SMYD3: variants seen among roughly 807,000 people sequenced by gnomAD.
SMYD3 encodes histone-lysine N-methyltransferase SMYD3.
Under a neutral mutation model 57.7 loss-of-function variants are expected in SMYD3, and 36 were observed. The ratio of observed to expected loss-of-function variants is 0.62; its 90% CI spans 0.48 to 0.82. The LOEUF is 0.82. Ranked by LOEUF, SMYD3 falls within the 40% of genes least tolerant of loss-of-function variation. The pLI is 0.00. For missense variants in SMYD3, 515 were observed against 538.8 expected (o/e 0.96, Z 0.44); for synonymous variants, 211 against 195.0 (o/e 1.08, Z -0.68).
intron 2 of SMYD3, among the ~76,000 whole-genome samples, chr1:246,338,648 T>G (rs1025050733): frequency 2.0e-5 from 3 of 152,166 alleles, no homozygotes; most frequent in Non-Finnish European, 4.4e-5. Context: ...AGACAAGAGT[T>G]TCATGCTGGA....
chr1:246,311,959 G>A (rs2065087833), intron 5 of SMYD3, among the ~76,000 whole-genome samples: 1 of 152,150 alleles, frequency 6.6e-6, no homozygotes, highest in Admixed American at 6.5e-5. Context: ...AAAACGTAAT[G>A]TAAGTGACAA....
chr1:246,142,285 T>A (rs963235169), intron 5 of SMYD3, among the ~76,000 whole-genome samples: 1 of 152,210 alleles, frequency 6.6e-6, no homozygotes, highest in Non-Finnish European at 1.5e-5. Context: ...ACAATTATAA[T>A]AATATACTAT....
Position 246,076,247 on chromosome 1 carries a change from G to A in SMYD3, c.532-146310C>T, listed in dbSNP as rs75212391. 2.0e-5 allele frequency among the ~76,000 whole-genome samples: 3 copies of A among 152,234 alleles called. No individual in the cohort carries two copies. In the East Asian group the frequency reaches 5.8e-4, roughly 29 times the overall value. ...AAATACCAAACCCGTCTCTACTTCAGTTCTCTGTTCCATTCACAATTCTCA... is the reference window on the plus strand; with the variant it reads ...AAATACCAAACCCGTCTCTACTTCAATTCTCTGTTCCATTCACAATTCTCA... On this transcript the variant is annotated intron_variant, in intron 5 of 11. Coordinates refer to ENST00000490107, the MANE Select transcript of SMYD3 (RefSeq NM_001167740.2).
intron 1 of SMYD3, among the ~76,000 whole-genome samples, chr1:246,497,410 G>A (rs1011414124): frequency 1.3e-5 from 2 of 152,192 alleles, no homozygotes; most frequent in Non-Finnish European, 2.9e-5. Flanking sequence ...GTTCATGAAG[G>A]AGACCACTCA....
intron 8 of SMYD3, among the ~76,000 whole-genome samples, chr1:245,889,070 T>C (rs997362098): frequency 6.6e-5 from 10 of 152,292 alleles, no homozygotes; most frequent in Admixed American, 6.5e-4. Context: ...TTAACCTCTT[T>C]CCATATCCCA....
intron 11 of SMYD3, among the ~76,000 whole-genome samples, chr1:245,758,416 C>T (rs2045700455): frequency 6.6e-6 from 1 of 151,982 alleles, no homozygotes; most frequent in African/African-American, 2.4e-5. Context: ...TCCACCTCAC[C>T]CTCTTTTTCT....
intron 5 of SMYD3, among the ~76,000 whole-genome samples, chr1:246,258,493 C>T (rs1170040426): frequency 6.6e-6 from 1 of 152,162 alleles, no homozygotes; most frequent in Admixed American, 6.5e-5. Context: ...TTTGACAGGA[C>T]ATGAAACTCT....
Position 245,824,254 on chromosome 1 carries a change from T to C in SMYD3, c.1076+34242A>G, listed in dbSNP as rs116400722. 2.3e-3 allele frequency among the ~76,000 whole-genome samples: 353 copies of C among 152,360 alleles called. 1 individual carries two copies. The highest frequency in any genetic ancestry group is 3.8e-3 in the Non-Finnish European group (259 of 68,032). On this transcript the variant is annotated intron_variant, in intron 10 of 11. Coordinates refer to ENST00000490107, the MANE Select transcript of SMYD3 (RefSeq NM_001167740.2). The stretch of plus-strand genomic sequence containing the variant: ...GATGACCAAAATATAGGTTGCCATT[T>C]AGGCAAATGACACGAAGGAAGAGAT...
intron 1 of SMYD3, among the ~76,000 whole-genome samples, chr1:246,455,313 T>A (rs947404128): frequency 1.7e-4 from 26 of 152,304 alleles, no homozygotes; most frequent in Admixed American, 5.9e-4. Context: ...TTATAAGAAC[T>A]GAATGGAATA....
At chr1:246,268,723 GAGGAA>G (rs1219314293) in intron 5 of SMYD3, among the ~76,000 whole-genome samples, 1 of 151,870 alleles carries the variant, frequency 6.6e-6, no homozygotes, top group Non-Finnish European at 1.5e-5. Flanking sequence ...GAAAAGAGAA[GAGGAA>G]AGAAAAGAAA....
chr1:246,018,904 G>T (rs2059423097), intron 5 of SMYD3, among the ~76,000 whole-genome samples: 1 of 152,058 alleles, frequency 6.6e-6, no homozygotes, highest in South Asian at 2.1e-4. Context: ...ATGCCCAGCA[G>T]ATTTCTTCTT....
At position 246,335,493 on chromosome 1, in the gene SMYD3, G is replaced by A. The variant is rs373222080; in HGVS notation, c.229-19C>T. ...CTTTTTTCTATTAAAACAAGAGTGG[G>A]GAGAACATAGGTGACCTAAAATTTA... On this transcript the variant is annotated intron_variant, in intron 2 of 11. Transcript: ENST00000490107. 23 of 1,598,320 alleles carry A rather than the reference G, an allele frequency of 1.4e-5. No homozygotes were observed. In the Middle Eastern group the frequency reaches 1.2e-3, roughly 80 times the overall value.
At chr1:245,845,732 C>T (rs1037297703) in intron 10 of SMYD3, among the ~76,000 whole-genome samples, 2 of 152,314 alleles carry the variant, frequency 1.3e-5, no homozygotes, top group Non-Finnish European at 1.5e-5. Flanking sequence ...CTGCTGCTTC[C>T]TTCTCTCTCA....
At chr1:246,483,226 G>C (rs1245998058) in intron 1 of SMYD3, among the ~76,000 whole-genome samples, 1 of 152,162 alleles carries the variant, frequency 6.6e-6, no homozygotes, top group Non-Finnish European at 1.5e-5. Context: ...TGAACATTAA[G>C]AGTTAAGCTG....
chr1:245,767,398 T>G (rs1276315197), intron 10 of SMYD3, among the ~76,000 whole-genome samples: 1 of 152,016 alleles, frequency 6.6e-6, no homozygotes, highest in Non-Finnish European at 1.5e-5. Context: ...TTGGTTAGCA[T>G]GTAGTTTGCA....
intron 1 of SMYD3, among the ~76,000 whole-genome samples, chr1:246,404,521 C>A (rs2066827102): frequency 6.6e-6 from 1 of 152,208 alleles, no homozygotes; most frequent in African/African-American, 2.4e-5. Flanking sequence ...TGTATTATGT[C>A]TATATCTGCT....
At chr1:246,496,033 G>C (rs565896068) in intron 1 of SMYD3, among the ~76,000 whole-genome samples, 1 of 151,302 alleles carries the variant, frequency 6.6e-6, no homozygotes, top group African/African-American at 2.4e-5. Context: ...TTGATTTTTT[G>C]TTGTTGTTGT....
chr1:246,057,446 GT>G (rs1207205094), intron 5 of SMYD3, among the ~76,000 whole-genome samples: 1 of 152,068 alleles, frequency 6.6e-6, no homozygotes, highest in Middle Eastern at 3.2e-3. Context: ...CTCAAATATA[GT>G]TTTTGCATTA....
chr1:246,348,077 T>C (rs111428079), intron 2 of SMYD3, among the ~76,000 whole-genome samples: 29,670 of 86,410 alleles, frequency 0.34, 6,227 homozygotes, highest in East Asian at 0.54. Context: ...TATATATATA[T>C]ACACACACAC....
Sources: gnomAD v4.1 joint callset for allele counts (sites outside exome capture counted in the v4.1 genomes callset) on GRCh38, gnomAD v4.1.1 for gene constraint, MANE v1.5 for transcripts, NCBI Gene and HGNC (gene_info 2026-07-23, HGNC 2026-07-21) for gene names.